The following NHSL1 variants were observed in gnomAD, a reference collection of about 807,000 sequenced individuals.
NHSL1 encodes the protein NHS-like protein 1.
In NHSL1, 48 loss-of-function variants were observed where a neutral mutation model predicts 95.0. The observed-to-expected ratio is 0.51, with a 90% CI of 0.40 to 0.64. NHSL1 has a LOEUF of 0.64. Among genes scored for constraint, NHSL1 ranks in the 30% least tolerant of loss-of-function variants. NHSL1 has a pLI of 0.00. For missense variants in NHSL1, 1,971 were observed against 2,077.7 expected, an observed-to-expected ratio of 0.95 and a Z score of 1.00; for synonymous variants, 783 against 833.9, an observed-to-expected ratio of 0.94 and a Z score of 1.05.
chr6:138,658,369 C>G (rs994462080), intron 1 of NHSL1, among the ~76,000 whole-genome samples: 4 of 152,220 alleles, frequency 2.6e-5, no homozygotes, highest in African/African-American at 4.8e-5. Flanking sequence ...CCCACTCCAG[C>G]TCCTGGTAAC....
intron 1 of NHSL1, among the ~76,000 whole-genome samples, chr6:138,637,561 G>A (rs1352992001): frequency 1.3e-5 from 2 of 151,954 alleles, no homozygotes; most frequent in African/African-American, 2.4e-5. Context: ...AATCTAATCC[G>A]ATTAAAAAAT....
intron 1 of NHSL1, among the ~76,000 whole-genome samples, chr6:138,682,461 G>A (rs954449139): frequency 6.6e-6 from 1 of 152,224 alleles, no homozygotes; most frequent in South Asian, 2.1e-4. Flanking sequence ...TTAAATTGGC[G>A]ATTTGGAATT....
rs1012971861 is a variant in NHSL1, at chr6:138,431,378, G to A, written c.2967C>T (p.Cys989=). The A allele has an allele frequency of 1.9e-6, 3 of 1,548,288 alleles. No individual in the cohort carries two copies. Among genetic ancestry groups the A allele is most frequent in the Non-Finnish European group, 2.6e-6 (3 of 1,145,656 alleles). ...LIPFCSPPDW[C]LSPPRPALSP... ...TCAGTGCAGGGCGGGGAGGAGAAAG[G>A]CACCAATCAGGTGGGGAGCAGAAAG... Residue 989 remains cysteine, a synonymous_variant, in exon 6 of 8, where the codon TGC becomes TGT. Coordinates refer to ENST00000343505, the MANE Select transcript of NHSL1 (RefSeq NM_001144060.2). This position sits in a 1 kb window ranked among gnomAD's most constrained non-coding sequence, Gnocchi z 4.0.
intron 3 of NHSL1, among the ~76,000 whole-genome samples, chr6:138,455,941 T>C (rs901680864): frequency 1.3e-4 from 20 of 152,226 alleles, no homozygotes; most frequent in African/African-American, 3.9e-4. Flanking sequence ...ACATTGTCTA[T>C]TGAATCATTT....
intron 1 of NHSL1, among the ~76,000 whole-genome samples, chr6:138,558,970 A>G (rs1783307605): frequency 6.6e-6 from 1 of 152,174 alleles, no homozygotes; most frequent in South Asian, 2.1e-4. Flanking sequence ...GAATTCCTTA[A>G]GCCCTAGAGT....
intron 1 of NHSL1, among the ~76,000 whole-genome samples, chr6:138,620,242 G>A (rs1237995073): frequency 6.6e-6 from 1 of 151,820 alleles, no homozygotes. Flanking sequence ...TTTGAAACAA[G>A]AAAAATATTT....
intron 1 of NHSL1, among the ~76,000 whole-genome samples, chr6:138,654,785 A>C (rs750771041): frequency 7.9e-5 from 12 of 152,206 alleles, no homozygotes; most frequent in Non-Finnish European, 1.5e-4. Flanking sequence ...ATGTATACTG[A>C]GGAGAAAAGA....
chr6:138,587,770 G>A (rs1784160075), intron 1 of NHSL1, among the ~76,000 whole-genome samples: 1 of 152,236 alleles, frequency 6.6e-6, no homozygotes, highest in Non-Finnish European at 1.5e-5. Flanking sequence ...AGCTTCCCAT[G>A]GAACATGCCA....
At chr6:138,622,673 T>C (rs1164387335) in intron 1 of NHSL1, among the ~76,000 whole-genome samples, 2 of 152,132 alleles carry the variant, frequency 1.3e-5, no homozygotes, top group East Asian at 3.9e-4. Flanking sequence ...GGAAAAAAAA[T>C]ACTTAGCTAT....
chr6:138,533,792 A>C (rs1193998443), intron 1 of NHSL1, among the ~76,000 whole-genome samples: 1 of 152,198 alleles, frequency 6.6e-6, no homozygotes, highest in East Asian at 1.9e-4. Context: ...AAGTGTAGCC[A>C]CTTCAGAGTG....
At chr6:138,634,780 A>T (rs1276292490) in intron 1 of NHSL1, among the ~76,000 whole-genome samples, 2 of 152,092 alleles carry the variant, frequency 1.3e-5, no homozygotes, top group Non-Finnish European at 2.9e-5. Context: ...ACTCAAGGAT[A>T]GACCATATGT....
chr6:138,438,267 C>G (rs1776312198), intron 5 of NHSL1, among the ~76,000 whole-genome samples: 1 of 152,158 alleles, frequency 6.6e-6, no homozygotes, highest in Non-Finnish European at 1.5e-5. Flanking sequence ...GAGGTAAGAC[C>G]CTTCACCAGC....
Position 138,423,844 on chromosome 6 carries a change from C to A in NHSL1, c.*237G>T. ...AAAAAAAAAAAAAAAAAAAAATCTT[C>A]CCCGGGAAGCACTTTCAGAAGTTTA... On this transcript the variant is annotated 3_prime_UTR_variant, in exon 8 of 8. Transcript: ENST00000343505. 6.0e-6 allele frequency: 2 copies of A among 333,468 alleles called. No homozygotes were observed. The highest frequency in any genetic ancestry group is 5.2e-6 in the Non-Finnish European group (1 of 190,814). 20.7% of individuals were successfully genotyped at this position (333,468 alleles called of 1,614,324 possible).
intron 1 of NHSL1, among the ~76,000 whole-genome samples, chr6:138,629,463 C>T (rs1356332333): frequency 2.6e-5 from 4 of 151,808 alleles, no homozygotes; most frequent in Admixed American, 2.6e-4. Context: ...GCTCACTGCA[C>T]CCTCCGCCTC....
At chr6:138,561,675 G>T (rs572194469) in intron 1 of NHSL1, among the ~76,000 whole-genome samples, 3 of 152,130 alleles carry the variant, frequency 2.0e-5, no homozygotes, top group African/African-American at 4.8e-5. Flanking sequence ...AAGAACCCAC[G>T]ATGTGCCCGC....
chr6:138,566,070 C>G (rs1300714078), intron 1 of NHSL1, among the ~76,000 whole-genome samples: 2 of 151,924 alleles, frequency 1.3e-5, no homozygotes, highest in Admixed American at 1.3e-4. Context: ...AAAATTAACC[C>G]TAGATAACAT....
intron 1 of NHSL1, among the ~76,000 whole-genome samples, chr6:138,533,182 A>T (rs1416153922): frequency 6.6e-6 from 1 of 152,228 alleles, no homozygotes; most frequent in Non-Finnish European, 1.5e-5. Context: ...GATACAGGGG[A>T]ACCCTAGAAA....
In NHSL1 at chr6:138,473,374, T is replaced by C; in HGVS notation, c.271A>G (p.Thr91Ala). 6.5e-7 allele frequency: 1 copy of C among 1,548,930 alleles called. No homozygotes were observed. The highest frequency in any genetic ancestry group is 8.7e-7 in the Non-Finnish European group (1 of 1,145,966). Residue 91 changes from threonine to alanine, a missense_variant, in exon 3 of 8, where the codon ACC becomes GCC. Thr to Ala is a moderately conservative substitution (Grantham distance 58, BLOSUM62 0). This residue lies in a region of NHSL1 where 1,602 missense variants were observed against 1,654.5 expected (regional missense o/e 0.97). Transcript: ENST00000343505. Reference sequence around the variant, plus strand: ...AATGGGCTGGCGTTGGCCGCAAAGGTGGGTCCCTGAGAGTAGTACTGAGAA... The same window carrying C: ...AATGGGCTGGCGTTGGCCGCAAAGGCGGGTCCCTGAGAGTAGTACTGAGAA... Reference protein sequence around the residue: ...RSSQYYSQGPTFAANASPFCD... With the variant: ...RSSQYYSQGPAFAANASPFCD...
intron 1 of NHSL1, chr6:138,650,821 C>G (rs1478372186): frequency 1.1e-5 from 6 of 541,292 alleles, no homozygotes; most frequent in East Asian, 1.0e-4. Flanking sequence ...ACAGGGAAAG[C>G]CTTCTTCATG....
Sources: allele counts gnomAD v4.1 joint callset (sites outside exome capture counted in the v4.1 genomes callset), GRCh38; gene constraint gnomAD v4.1.1; regional missense constraint gnomAD v4.1.1; non-coding constraint Gnocchi (gnomAD v3.1); transcripts MANE v1.5; gene names NCBI Gene and HGNC (gene_info 2026-07-23, HGNC 2026-07-21).